Variants in PCLO observed in about 807,000 individuals in gnomAD.
The protein encoded by PCLO is protein piccolo.
A neutral mutation model predicts 427.5 loss-of-function variants in PCLO; 82 were observed. That is an observed-to-expected ratio of 0.19 (90% confidence interval 0.16 to 0.23). PCLO has a LOEUF of 0.23. Among genes scored for constraint, PCLO ranks in the 10% least tolerant of loss-of-function variants. The pLI, the probability that PCLO is intolerant of heterozygous loss-of-function variation, is 1.00. For missense variants in PCLO, 6,239 were observed against 6,115.9 expected (o/e 1.02, Z -0.67); for synonymous variants, 2,357 against 2,155.4 (o/e 1.09, Z -2.59).
At position 82,908,896 on chromosome 7, in the gene PCLO, A is replaced by T. The variant is rs1427037421; in HGVS notation, c.13418T>A (p.Leu4473His). 6.2e-7 allele frequency: 1 copy of T among 1,612,272 alleles called. No homozygotes were observed. Among genetic ancestry groups the T allele is most frequent in the South Asian group, 1.1e-5 (1 of 90,942 alleles). Residue 4473 changes from leucine to histidine, a missense_variant, in exon 8 of 25, where the codon CTC becomes CAC. By Grantham distance (99) the Leu-to-His change is moderately conservative (BLOSUM62 -3). This residue lies in a region of PCLO where 877 missense variants were observed against 925.5 expected (regional missense o/e 0.95). Coordinates refer to ENST00000333891, the MANE Select transcript of PCLO (RefSeq NM_033026.6). ...ACTTACTTGCTCTTGATGTTGACTG[A>T]GTGGTCTAGAGTGGACCAATCTTTC... ...LPERLVHSRP[L>H]SQHQEQIIQM... is the part of the protein sequence containing the mutation.
At chr7:82,768,464 T>C (rs915410793) in intron 22 of PCLO, among the ~76,000 whole-genome samples, 14 of 151,864 alleles carry the variant, frequency 9.2e-5, no homozygotes, top group Non-Finnish European at 5.9e-5. Flanking sequence ...TTATTCAACC[T>C]CAATATTTTA....
At chr7:82,860,190 C>T (rs1792917498) in intron 10 of PCLO, among the ~76,000 whole-genome samples, 1 of 151,798 alleles carries the variant, frequency 6.6e-6, no homozygotes, top group African/African-American at 2.4e-5. Context: ...TGTCCCAAAC[C>T]TAGAGAAATA....
chr7:83,092,138 G>A (rs1449798728), intron 3 of PCLO, among the ~76,000 whole-genome samples: 2 of 152,160 alleles, frequency 1.3e-5, no homozygotes, highest in Non-Finnish European at 2.9e-5. Context: ...CACTAAGTCA[G>A]GAATAACTTA....
intron 3 of PCLO, among the ~76,000 whole-genome samples, chr7:83,093,492 A>ATATTTTT: frequency 5.1e-5 from 3 of 59,320 alleles, no homozygotes; most frequent in African/African-American, 1.1e-4. Flanking sequence ...ATATATATAT[A>ATATTTTT]TTTTTTTTTT....
At position 82,756,916 on chromosome 7, in the gene PCLO, T is replaced by C. The variant is rs777463044; in HGVS notation, c.*1659A>G. On this transcript the variant is annotated 3_prime_UTR_variant, in exon 25 of 25. Coordinates refer to ENST00000333891, the MANE Select transcript of PCLO (RefSeq NM_033026.6). Reference sequence around the variant, plus strand: ...GTGGCTAATTTACTGCTTTTATCCATGTCAATCCTTGCCATTGGTTTAGAT... The same window carrying C: ...GTGGCTAATTTACTGCTTTTATCCACGTCAATCCTTGCCATTGGTTTAGAT... 1 of 152,106 alleles carries C rather than the reference T, an allele frequency of 6.6e-6. No individual in the cohort carries two copies. The highest frequency in any genetic ancestry group is 6.6e-5 in the Admixed American group (1 of 15,240). The allele number at this position is 152,106 out of a possible 1,614,324, so 9.4% of individuals were successfully genotyped here. A position where few individuals can be genotyped will look rare whatever the true frequency, so the allele number is the denominator to read the frequency against.
intron 22 of PCLO, among the ~76,000 whole-genome samples, chr7:82,772,032 A>C (rs941685206): frequency 3.3e-5 from 5 of 152,132 alleles, no homozygotes; most frequent in Admixed American, 6.6e-5. Flanking sequence ...CTTGCTCTTC[A>C]GACGTTTTAT....
rs564596683 is a variant in PCLO at position 82,901,613 on chromosome 7, G to T, written c.13528+1038C>A. ...ACTAAAGAGCCTCTGCACAGCAAAAGAAACTACCATCAGAGTGAACAGGCA... is the reference window on the plus strand; with the variant it reads ...ACTAAAGAGCCTCTGCACAGCAAAATAAACTACCATCAGAGTGAACAGGCA... On this transcript the variant is annotated intron_variant, in intron 9 of 24. Coordinates refer to ENST00000333891, the MANE Select transcript of PCLO (RefSeq NM_033026.6). Among the ~76,000 whole-genome samples, 1,273 of 152,108 alleles carry T rather than the reference G, an allele frequency of 8.4e-3. 5 individuals are homozygous for T. The highest frequency in any genetic ancestry group is 0.014 in the Non-Finnish European group (959 of 67,980).
chr7:82,882,138 A>T (rs1341648501), intron 9 of PCLO, among the ~76,000 whole-genome samples: 2 of 152,190 alleles, frequency 1.3e-5, no homozygotes, highest in East Asian at 3.8e-4. Flanking sequence ...GAATCTGGAT[A>T]TTTTGATTTC....
chr7:83,151,876 A>G (rs1366042936), intron 2 of PCLO, among the ~76,000 whole-genome samples: 1 of 152,218 alleles, frequency 6.6e-6, no homozygotes, highest in Non-Finnish European at 1.5e-5. Context: ...CCTCATTGGT[A>G]TAATAGAGAA....
intron 3 of PCLO, among the ~76,000 whole-genome samples, chr7:83,037,989 T>TTATATATATATATATATAAATA (rs1788838321): frequency 7.4e-5 from 1 of 13,586 alleles, no homozygotes; most frequent in Non-Finnish European, 1.2e-4. Flanking sequence ...AAGGAGGAGC[T>TTATATATATATATATATAAATA]TATATATATA....
At chr7:83,038,069 A>G (rs576027715) in intron 3 of PCLO, among the ~76,000 whole-genome samples, 1 of 56,158 alleles carries the variant, frequency 1.8e-5, no homozygotes, top group Non-Finnish European at 3.4e-5. Flanking sequence ...ATATATTTAT[A>G]TATTTATATA....
chr7:83,077,461 T>C (rs552839160), intron 3 of PCLO, among the ~76,000 whole-genome samples: 2 of 152,248 alleles, frequency 1.3e-5, no homozygotes, highest in South Asian at 2.1e-4. Context: ...TTGTTATTAC[T>C]GTTAGACTTT....
At chr7:83,156,788 TCA>T (rs1329928859) in intron 1 of PCLO, among the ~76,000 whole-genome samples, 4 of 152,108 alleles carry the variant, frequency 2.6e-5, no homozygotes. Flanking sequence ...GCATACATGT[TCA>T]CAGAGTGTAT....
At chr7:82,815,595 AT>A (rs774755159) in intron 20 of PCLO, among the ~76,000 whole-genome samples, 1 of 152,076 alleles carries the variant, frequency 6.6e-6, no homozygotes, top group Non-Finnish European at 1.5e-5. Context: ...GGAAAAGTGA[AT>A]TTTGCTATGT....
intron 6 of PCLO, among the ~76,000 whole-genome samples, chr7:82,939,064 G>T (rs189082619): frequency 7.9e-5 from 12 of 152,044 alleles, no homozygotes; most frequent in Admixed American, 5.3e-4. Context: ...CTGTCTGCCC[G>T]CGAACCTTTC....
chr7:83,080,902 T>C (rs1046662613), intron 3 of PCLO, among the ~76,000 whole-genome samples: 1 of 151,774 alleles, frequency 6.6e-6, no homozygotes, highest in Non-Finnish European at 1.5e-5. Context: ...TTAGGCATGG[T>C]AAGAGATTAG....
intron 3 of PCLO, among the ~76,000 whole-genome samples, chr7:83,105,944 G>A (rs1320694217): frequency 2.2e-5 from 1 of 45,430 alleles, no homozygotes; most frequent in Non-Finnish European, 4.2e-5. Flanking sequence ...GGCAAGAAAG[G>A]TTTGTTTGTT....
intron 5 of PCLO, 116 bp downstream of exon 5, chr7:82,951,740 C>G (rs1173515188): frequency 7.1e-7 from 1 of 1,414,206 alleles, no homozygotes; most frequent in Non-Finnish European, 9.3e-7. Context: ...CTATAACATC[C>G]AAAGAAAGAG....
intron 3 of PCLO, among the ~76,000 whole-genome samples, chr7:83,025,215 A>G (rs573124511): frequency 1.6e-4 from 25 of 152,264 alleles, no homozygotes; most frequent in Non-Finnish European, 2.9e-4. Flanking sequence ...AAAAAAATTT[A>G]GAAGAATGTA....
Sources: gnomAD v4.1 joint callset for allele counts (sites outside exome capture counted in the v4.1 genomes callset) on GRCh38, gnomAD v4.1.1 for gene constraint, gnomAD v4.1.1 regional missense constraint, MANE v1.5 for transcripts, NCBI Gene and HGNC (gene_info 2026-07-23, HGNC 2026-07-21) for gene names.